SIM1: variants seen among roughly 807,000 people sequenced by gnomAD.
SIM1 encodes the protein SIM bHLH transcription factor 1.
Under a neutral mutation model 78.2 loss-of-function variants are expected in SIM1, and 18 were observed. That is an observed-to-expected ratio of 0.23 (90% CI 0.16 to 0.34). The LOEUF is 0.34. Among genes scored for constraint, SIM1 ranks in the 10% least tolerant of loss-of-function variants. The probability of loss-of-function intolerance (pLI) is 1.00; values close to 1 mark genes in which losing one functional copy is unlikely to be tolerated. For missense variants in SIM1, 939 were observed against 975.1 expected, an observed-to-expected ratio of 0.96 and a Z score of 0.49; for synonymous variants, 417 against 385.2, an observed-to-expected ratio of 1.08 and a Z score of -0.97.
intron 2 of SIM1, among the ~76,000 whole-genome samples, chr6:100,461,951 A>G (rs1772867833): frequency 6.6e-6 from 1 of 150,834 alleles, no homozygotes; most frequent in African/African-American, 2.4e-5. Flanking sequence ...TTAGGAGGGA[A>G]CGACTAAAGC....
Position 100,390,798 on chromosome 6 carries a change from A to G in SIM1, c.1864T>C (p.Ser622Pro), listed in dbSNP as rs141415931. ...CATGGTGAAGTGTTGGCAAGAGCAG[A>G]GCCATGGCAGACTTCACCTGTTGGT... is the stretch of plus-strand genomic sequence containing the variant. The part of the protein sequence containing the change: ...PPPTGEVCHG[S>P]ALANTSPCDH... The change falls in exon 12 of 12, where the codon TCT becomes CCT. Residue 622 changes from serine to proline, a missense_variant. Around this residue, in one of 5 missense-constraint regions of SIM1, gnomAD observed 556 missense variants for 521.9 expected, o/e 1.07. Transcript: ENST00000369208. 1.5e-4 allele frequency: 235 copies of G among 1,614,080 alleles called. No homozygotes were observed. In the African/African-American group the frequency reaches 2.9e-3, roughly 20 times the overall value.
intron 10 of SIM1, among the ~76,000 whole-genome samples, chr6:100,397,164 G>A (rs1404400013): frequency 3.9e-5 from 6 of 151,988 alleles, no homozygotes; most frequent in East Asian, 1.9e-4. Context: ...CAAGTATCCC[G>A]TTATGACACA....
intron 9 of SIM1, among the ~76,000 whole-genome samples, chr6:100,442,447 T>A (rs1436851546): frequency 2.6e-5 from 4 of 152,142 alleles, no homozygotes. Flanking sequence ...AAAGAACAAC[T>A]GTGACTCTGA....
At chr6:100,424,500 A>G (rs1771673836) in intron 9 of SIM1, among the ~76,000 whole-genome samples, 1 of 152,038 alleles carries the variant, frequency 6.6e-6, no homozygotes. Context: ...CAGTGGTGCA[A>G]TCTCGGCTCA....
At chr6:100,440,019 G>A (rs150523511) in intron 9 of SIM1, among the ~76,000 whole-genome samples, 4 of 152,294 alleles carry the variant, frequency 2.6e-5, no homozygotes, top group Non-Finnish European at 5.9e-5. Flanking sequence ...TAAATTTATG[G>A]ATTTGAGGAT....
At chr6:100,461,193 A>C (rs1030116235) in intron 2 of SIM1, among the ~76,000 whole-genome samples, 2 of 152,210 alleles carry the variant, frequency 1.3e-5, no homozygotes, top group Admixed American at 6.5e-5. Flanking sequence ...CTCTCTTTAA[A>C]AATAACGAGA....
intron 10 of SIM1, among the ~76,000 whole-genome samples, chr6:100,400,065 A>G (rs961777075): frequency 2.6e-5 from 4 of 152,024 alleles, no homozygotes; most frequent in African/African-American, 9.6e-5. Context: ...GAAGATAGAA[A>G]TGTTATGAAT....
At chr6:100,411,922 C>G (rs187757395) in intron 10 of SIM1, among the ~76,000 whole-genome samples, 3 of 152,240 alleles carry the variant, frequency 2.0e-5, no homozygotes, top group Admixed American at 6.5e-5. Context: ...CAGAAAAAGA[C>G]AAGGCATTCA....
chr6:100,406,482 T>A (rs1478565403), intron 10 of SIM1, among the ~76,000 whole-genome samples: 1 of 152,126 alleles, frequency 6.6e-6, no homozygotes, highest in Non-Finnish European at 1.5e-5. Context: ...TTACCAACCT[T>A]GTGCACGCTG....
At chr6:100,445,900 A>C (rs1772341176) in intron 9 of SIM1, among the ~76,000 whole-genome samples, 1 of 152,184 alleles carries the variant, frequency 6.6e-6, no homozygotes, top group Non-Finnish European at 1.5e-5. Flanking sequence ...CATTTATTTT[A>C]ATAATATGAA....
At chr6:100,449,011 G>A (rs1050063929) in intron 6 of SIM1, among the ~76,000 whole-genome samples, 2 of 152,150 alleles carry the variant, frequency 1.3e-5, no homozygotes, top group Non-Finnish European at 2.9e-5. Flanking sequence ...TTAAAGCTCT[G>A]GTTTCTAACC....
chr6:100,391,110 C>A lies in SIM1; in HGVS notation c.1571-19G>T. On this transcript the variant is annotated intron_variant, in intron 11 of 11. Coordinates refer to ENST00000369208, the MANE Select transcript of SIM1 (RefSeq NM_005068.3). ...CCTCGCCCTAAAAATTAGAAAAAGTCAAAAGTAAGTGATCTCAGAATTCAC... is the reference window on the plus strand; with the variant it reads ...CCTCGCCCTAAAAATTAGAAAAAGTAAAAAGTAAGTGATCTCAGAATTCAC... 6.4e-7 allele frequency: 1 copy of A among 1,553,686 alleles called. No individual in the cohort carries two copies. The highest frequency in any genetic ancestry group is 1.2e-5 in the South Asian group (1 of 81,412).
chr6:100,453,671 T>G, intron 3 of SIM1, 91 bp downstream of exon 3: 1 of 1,000,296 alleles, frequency 1.0e-6, no homozygotes. Context: ...TTTTTTTTTG[T>G]TTTTGTTTTC....
At chr6:100,445,412 C>A (rs1772329132) in intron 9 of SIM1, among the ~76,000 whole-genome samples, 2 of 152,104 alleles carry the variant, frequency 1.3e-5, no homozygotes, top group Admixed American at 1.3e-4. Flanking sequence ...ACAATGTGCA[C>A]CATGCTCTTT....
At position 100,420,781 on chromosome 6, in the gene SIM1, T is replaced by G. The variant is rs369339909; in HGVS notation, c.1167+9A>C. On this transcript the variant is annotated intron_variant, in intron 10 of 11. Coordinates refer to ENST00000369208, the MANE Select transcript of SIM1 (RefSeq NM_005068.3). ...AAAAAAGAAAGTTGCAAAACAGCAA[T>G]GCACTTACCTGAGGGTATGGGGAAG... 1.9e-6 allele frequency: 3 copies of G among 1,613,922 alleles called. No homozygotes were observed. Among genetic ancestry groups the G allele is most frequent in the Admixed American group, 3.3e-5 (2 of 60,014 alleles).
At chr6:100,406,274 A>T (rs950664165) in intron 10 of SIM1, among the ~76,000 whole-genome samples, 5 of 151,968 alleles carry the variant, frequency 3.3e-5, no homozygotes, top group African/African-American at 4.8e-5. Flanking sequence ...GCTCTGACTC[A>T]CTCTCTGATT....
intron 10 of SIM1, among the ~76,000 whole-genome samples, chr6:100,419,816 A>G (rs1002621916): frequency 6.6e-6 from 1 of 151,926 alleles, no homozygotes; most frequent in South Asian, 2.1e-4. Context: ...TAATTTTTGT[A>G]TTTTTAGCAG....
chr6:100,412,587 GAAA>G (rs1562239496), intron 10 of SIM1, among the ~76,000 whole-genome samples: 7 of 90,290 alleles, frequency 7.8e-5, no homozygotes, highest in African/African-American at 1.6e-4. Context: ...AAGAAAGAAA[GAAA>G]GAAAGAAAGA....
At position 100,456,189 on chromosome 6, in the gene SIM1, C is replaced by G. The variant is rs758233086; in HGVS notation, c.176-2345G>C. ...CTCTCGTCTACCTGCCGGGCTTTCC[C>G]GATCTAATATCGAAGGAACCTCCCC... On this transcript the variant is annotated intron_variant, in intron 2 of 11. Coordinates refer to ENST00000369208, the MANE Select transcript of SIM1 (RefSeq NM_005068.3). Among the ~76,000 whole-genome samples the G allele has an allele frequency of 2.0e-5, 3 of 152,134 alleles. No individual in the cohort carries two copies. The East Asian group carries it at 5.8e-4, about 29-fold the overall frequency.
Sources: gnomAD v4.1 joint callset for allele counts (sites outside exome capture counted in the v4.1 genomes callset) on GRCh38, gnomAD v4.1.1 for gene constraint, gnomAD v4.1.1 regional missense constraint, MANE v1.5 for transcripts, NCBI Gene and HGNC (gene_info 2026-07-23, HGNC 2026-07-21) for gene names.